Variants in CEMIP observed in about 807,000 individuals in gnomAD.
The protein encoded by CEMIP is cell migration inducing hyaluronidase 1.
Under a neutral mutation model 156.9 loss-of-function variants are expected in CEMIP, and 105 were observed. The ratio of observed to expected loss-of-function variants is 0.67; its 90% CI spans 0.57 to 0.79. The LOEUF is 0.79. Among genes scored for constraint, CEMIP ranks in the 30% least tolerant of loss-of-function variants. The probability of loss-of-function intolerance (pLI) is 0.00; values close to 1 mark genes in which losing one functional copy is unlikely to be tolerated. For missense variants in CEMIP, 1,457 were observed against 1,769.4 expected (o/e 0.82, Z 3.17); for synonymous variants, 676 against 668.4 (o/e 1.01, Z -0.17).
In CEMIP at chr15:80,937,841, T is replaced by C. The variant is rs758515901; in HGVS notation, c.3269T>C (p.Phe1090Ser). The C allele has an allele frequency of 1.2e-6, 2 of 1,614,218 alleles. No homozygotes were observed. Among genetic ancestry groups the C allele is most frequent in the Admixed American group, 3.3e-5 (2 of 60,034 alleles). Residue 1090 changes from phenylalanine (F) to serine (S), a missense_variant, in exon 25 of 30, where the codon TTC becomes TCC. Coordinates refer to ENST00000394685, the MANE Select transcript of CEMIP (RefSeq NM_001293298.2). ...VGLCYPRGTT[F>S]SILSDVHNRL... Reference sequence around the variant, plus strand: ...CTCTGCTACCCGCGAGGCACCACATTCTCCATCCTCTCGGATGTTCACAAT... The same window carrying C: ...CTCTGCTACCCGCGAGGCACCACATCCTCCATCCTCTCGGATGTTCACAAT...
Position 80,893,371 on chromosome 15 carries a change from G to A in CEMIP, c.1087-1619G>A, listed in dbSNP as rs1015312060. Among the ~76,000 whole-genome samples, 5 of 148,258 alleles carry A rather than the reference G, an allele frequency of 3.4e-5. No homozygotes were observed. In the South Asian group the frequency reaches 8.6e-4, roughly 26 times the overall value. Reference sequence around the variant, plus strand: ...TTTACTCTTCTTATCCAAAACTGAGGTCATTTTTCAGGTTAGAAAAAAGGA... The same window carrying A: ...TTTACTCTTCTTATCCAAAACTGAGATCATTTTTCAGGTTAGAAAAAAGGA... On this transcript the variant is annotated intron_variant, in intron 10 of 29. Coordinates refer to ENST00000394685, the MANE Select transcript of CEMIP (RefSeq NM_001293298.2).
chr15:80,848,369 C>T (rs1897615814), intron 1 of CEMIP, among the ~76,000 whole-genome samples: 1 of 152,190 alleles, frequency 6.6e-6, no homozygotes, highest in South Asian at 2.1e-4. Flanking sequence ...TGTTCCTGTT[C>T]CATGCTCTGA....
At chr15:80,868,351 G>C (rs548585021) in intron 1 of CEMIP, among the ~76,000 whole-genome samples, 12 of 152,300 alleles carry the variant, frequency 7.9e-5, no homozygotes, top group African/African-American at 2.9e-4. Context: ...GATAGGCAGG[G>C]AGTGGTGTTA....
chr15:80,936,976 G>A (rs1216967390), intron 24 of CEMIP, 91 bp downstream of exon 24: 2 of 1,237,460 alleles, frequency 1.6e-6, no homozygotes, highest in African/African-American at 1.5e-5. Flanking sequence ...CGAAACCACA[G>A]GCTAGCCCAT....
At chr15:80,947,643 C>T (rs1042766112) in intron 29 of CEMIP, 1 of 155,302 alleles carries the variant, frequency 6.4e-6, no homozygotes, top group African/African-American at 2.4e-5. Context: ...CCATTATCAT[C>T]ACAAAAACTA....
intron 1 of CEMIP, among the ~76,000 whole-genome samples, chr15:80,795,249 T>C (rs1157565318): frequency 6.6e-6 from 1 of 151,246 alleles, no homozygotes; most frequent in Non-Finnish European, 1.5e-5. Flanking sequence ...GATTTTTCTG[T>C]TTTTTTTAAA....
intron 23 of CEMIP, among the ~76,000 whole-genome samples, chr15:80,935,757 G>C (rs1288540656): frequency 6.6e-6 from 1 of 152,122 alleles, no homozygotes; most frequent in African/African-American, 2.4e-5. Flanking sequence ...TTGAGATGGA[G>C]TTTCGCTCTT....
At chr15:80,855,850 A>G (rs1300563624) in intron 1 of CEMIP, among the ~76,000 whole-genome samples, 1 of 152,038 alleles carries the variant, frequency 6.6e-6, no homozygotes, top group Non-Finnish European at 1.5e-5. Flanking sequence ...CCCAAATCCC[A>G]TTTTATTGGA....
At position 80,931,924 on chromosome 15, in the gene CEMIP, G is replaced by A. The variant is rs778862898; in HGVS notation, c.2678G>A (p.Arg893Gln). Residue 893 changes from arginine (R) to glutamine (Q), a missense_variant, in exon 22 of 30, where the codon CGA becomes CAA. Arg to Gln is a conservative substitution (Grantham distance 43). Transcript: ENST00000394685. ...GPINIQNCTF[R>Q]KFVALEGRHT... ...ATCAACATCCAAAACTGCACTTTCCGAAAGTTTGTGGCCCTGGAGGGCCGG... is the reference window on the plus strand; with the variant it reads ...ATCAACATCCAAAACTGCACTTTCCAAAAGTTTGTGGCCCTGGAGGGCCGG... The A allele has an allele frequency of 2.8e-5, 46 of 1,614,092 alleles. No homozygotes were observed. Among genetic ancestry groups the A allele is most frequent in the South Asian group, 7.7e-5 (7 of 91,092 alleles).
intron 1 of CEMIP, among the ~76,000 whole-genome samples, chr15:80,836,787 C>T (rs1259319110): frequency 6.6e-6 from 1 of 152,130 alleles, no homozygotes; most frequent in African/African-American, 2.4e-5. Context: ...TTTTATCCAA[C>T]AGGGCATTCA....
At chr15:80,904,838 C>T (rs28576300) in intron 12 of CEMIP, among the ~76,000 whole-genome samples, 1 of 151,944 alleles carries the variant, frequency 6.6e-6, no homozygotes, top group Non-Finnish European at 1.5e-5. Context: ...TAAGAGAATA[C>T]ATTTATGTTG....
chr15:80,821,394 C>T (rs969764005), intron 1 of CEMIP, among the ~76,000 whole-genome samples: 9 of 152,086 alleles, frequency 5.9e-5, no homozygotes, highest in African/African-American at 1.9e-4. Flanking sequence ...CTGTGGAAAG[C>T]GTTTAGGCAG....
At chr15:80,940,333 C>G (rs1007818166) in intron 25 of CEMIP, among the ~76,000 whole-genome samples, 1 of 152,216 alleles carries the variant, frequency 6.6e-6, no homozygotes, top group African/African-American at 2.4e-5. Context: ...TTTAGATAAT[C>G]TGATATATAA....
intron 24 of CEMIP, among the ~76,000 whole-genome samples, 160 bp from the exon 25 acceptor site, chr15:80,937,634 A>C (rs573502786): frequency 1.0e-3 from 152 of 152,274 alleles, no homozygotes; most frequent in Middle Eastern, 3.4e-3. Context: ...GAACACTGCA[A>C]CTCAGTCACC....
At chr15:80,809,357 A>G (rs1052282670) in intron 1 of CEMIP, among the ~76,000 whole-genome samples, 1 of 152,224 alleles carries the variant, frequency 6.6e-6, no homozygotes, top group Admixed American at 6.5e-5. Context: ...TTTATATGGG[A>G]AAATGTTCAT....
intron 1 of CEMIP, among the ~76,000 whole-genome samples, chr15:80,846,574 C>T (rs2141721735): frequency 6.6e-6 from 1 of 152,346 alleles, no homozygotes; most frequent in South Asian, 2.1e-4. Context: ...GGTACTGATA[C>T]TGCCCAGGAA....
In CEMIP at chr15:80,947,071, G is replaced by A. The variant is rs377570884; in HGVS notation, c.3958+6G>A. On this transcript the variant is annotated splice_donor_region_variant and intron_variant, in intron 29 of 29. Coordinates refer to ENST00000394685, the MANE Select transcript of CEMIP (RefSeq NM_001293298.2). ...CAGGGGTCTCAAGTTGAAAGGTAAGGGTTTGAACTGGGGTTTAAACTGACC... is the reference window on the plus strand; with the variant it reads ...CAGGGGTCTCAAGTTGAAAGGTAAGAGTTTGAACTGGGGTTTAAACTGACC... 3.0e-4 allele frequency: 485 copies of A among 1,594,286 alleles called. No individual in the cohort carries two copies. The South Asian group carries it at 3.4e-3, about 11-fold the overall frequency.
Position 80,928,920 on chromosome 15 carries a change from T to C in CEMIP, c.2439T>C (p.Ile813=). ...CCCACAGGTTTGCTGACAATGGCAT[T>C]GGCCTGACCCTGGCCAGGTAAGGGC... ...LDSCRFADNG[I]GLTLASGGTF... is the part of the protein sequence containing the mutation. The change falls in exon 20 of 30, where the codon ATT becomes ATC. Residue 813 remains isoleucine (I), a synonymous_variant. Transcript: ENST00000394685. The C allele has an allele frequency of 6.2e-7, 1 of 1,614,190 alleles. No homozygotes were observed. Among genetic ancestry groups the C allele is most frequent in the South Asian group, 1.1e-5 (1 of 91,076 alleles).
intron 1 of CEMIP, among the ~76,000 whole-genome samples, chr15:80,801,836 AGACT>A (rs1229384815): frequency 4.6e-5 from 7 of 152,264 alleles, no homozygotes; most frequent in Non-Finnish European, 1.0e-4. Context: ...GAACATGTAC[AGACT>A]ATTTTTCTTG....
Sources: allele counts gnomAD v4.1 joint callset (sites outside exome capture counted in the v4.1 genomes callset), GRCh38; gene constraint gnomAD v4.1.1; transcripts MANE v1.5; gene names NCBI Gene and HGNC (gene_info 2026-07-23, HGNC 2026-07-21).